PPP2CA: variants seen among roughly 807,000 people sequenced by gnomAD.
PPP2CA encodes serine/threonine-protein phosphatase 2A catalytic subunit alpha isoform.
PPP2CA carries 5 observed loss-of-function variants against 38.8 expected under a neutral mutation model. The ratio of observed to expected loss-of-function variants is 0.13; its 90% confidence interval spans 0.07 to 0.27. The LOEUF is 0.27. Ranked by LOEUF, PPP2CA falls within the 10% of genes least tolerant of loss-of-function variation. The probability of loss-of-function intolerance (pLI) is 1.00; values close to 1 mark genes in which losing one functional copy is unlikely to be tolerated. For synonymous variants in PPP2CA, 152 were observed against 134.0 expected (o/e 1.13, Z -0.93); for missense variants, 88 against 389.7 (o/e 0.23, Z 6.52).
chr5:134,206,037 A>G lies in PPP2CA; in HGVS notation c.197T>C (p.Met66Thr), dbSNP rs1002255595. The change falls in exon 2 of 7, where the codon ATG becomes ACG. Residue 66 changes from methionine (M) to threonine (T), a missense_variant. This residue lies in a region of PPP2CA where 6 missense variants were observed against 52.2 expected (regional missense o/e 0.12). Coordinates refer to ENST00000481195, the MANE Select transcript of PPP2CA (RefSeq NM_002715.4). ...GDVHGQFHDL[M>T]ELFRIGGKSP... ...TTTGCCACCAATTCTAAACAGTTCC[A>G]TGAGATCATGAAATTGCCCATGCAC... The G allele has an allele frequency of 5.0e-6, 8 of 1,614,100 alleles. No homozygotes were observed. Among genetic ancestry groups the G allele is most frequent in the Non-Finnish European group, 6.8e-6 (8 of 1,179,916 alleles).
At chr5:134,225,612 A>C in intron 1 of PPP2CA, 148 bp downstream of exon 1, 1 of 612,508 alleles carries the variant, frequency 1.6e-6, no homozygotes, top group Non-Finnish European at 2.6e-6. Flanking sequence ...GTCGTTAGGA[A>C]GCCGCCGCCG....
At chr5:134,208,897 G>A (rs1580643057) in intron 1 of PPP2CA, among the ~76,000 whole-genome samples, 2 of 152,248 alleles carry the variant, frequency 1.3e-5, no homozygotes, top group South Asian at 4.2e-4. Flanking sequence ...TGAGACAGCT[G>A]GTTATTTTCT....
chr5:134,220,478 A>G (rs1295156607), intron 1 of PPP2CA, among the ~76,000 whole-genome samples: 1 of 146,540 alleles, frequency 6.8e-6, no homozygotes, highest in African/African-American at 2.5e-5. Flanking sequence ...AAAAAAAAAA[A>G]GCCCACAAAA....
intron 1 of PPP2CA, among the ~76,000 whole-genome samples, chr5:134,218,387 T>C (rs1178122585): frequency 2.6e-5 from 4 of 152,200 alleles, no homozygotes; most frequent in Non-Finnish European, 2.9e-5. Flanking sequence ...CCTTTGCCTC[T>C]GACCAAAAGG....
intron 2 of PPP2CA, among the ~76,000 whole-genome samples, chr5:134,204,196 A>T (rs988984049): frequency 5.3e-5 from 8 of 152,236 alleles, no homozygotes; most frequent in Non-Finnish European, 1.2e-4. Context: ...AAAGTCTGTG[A>T]CAGCCATTTA....
At chr5:134,214,338 G>A (rs1762274052) in intron 1 of PPP2CA, among the ~76,000 whole-genome samples, 1 of 152,058 alleles carries the variant, frequency 6.6e-6, no homozygotes. Context: ...CTACATTATA[G>A]TGATTTTTTA....
chr5:134,225,435 GCTCACCCTCAAAACC>G, intron 1 of PPP2CA: 1 of 257,482 alleles, frequency 3.9e-6, no homozygotes, highest in African/African-American at 2.3e-5. Context: ...ATCCAAGCCA[GCTCACCCTCAAAACC>G]GTCCCTGACG....
intron 1 of PPP2CA, among the ~76,000 whole-genome samples, chr5:134,212,729 A>T (rs1387022153): frequency 6.6e-6 from 1 of 152,248 alleles, no homozygotes; most frequent in African/African-American, 2.4e-5. Flanking sequence ...AAAGTTCTTT[A>T]AGGAAATTAG....
rs745960087 is a variant in PPP2CA at position 134,201,998 on chromosome 5, G to A, written c.336C>T (p.Thr112=). The change falls in exon 3 of 7, where the codon ACC becomes ACT. Residue 112 remains threonine (T), a synonymous_variant. Coordinates refer to ENST00000481195, the MANE Select transcript of PPP2CA (RefSeq NM_002715.4). ...TGCTCTCATGATTCCCTCGAAGAATGGTGATGCGTTCACGGTAACGAACCT... is the reference window on the plus strand; with the variant it reads ...TGCTCTCATGATTCCCTCGAAGAATAGTGATGCGTTCACGGTAACGAACCT... The part of the protein sequence containing the change: ...ALKVRYRERI[T]ILRGNHESRQ... 8.1e-6 allele frequency: 13 copies of A among 1,610,636 alleles called. No individual in the cohort carries two copies. Among genetic ancestry groups the A allele is most frequent in the Non-Finnish European group, 1.7e-6 (2 of 1,178,922 alleles).
chr5:134,216,710 C>T (rs984994458), intron 1 of PPP2CA, among the ~76,000 whole-genome samples: 1 of 151,710 alleles, frequency 6.6e-6, no homozygotes, highest in East Asian at 1.9e-4. Context: ...CACTACATTG[C>T]CCAAGCTGGT....
At chr5:134,212,182 TTTA>T (rs1762218785) in intron 1 of PPP2CA, among the ~76,000 whole-genome samples, 1 of 152,248 alleles carries the variant, frequency 6.6e-6, no homozygotes, top group South Asian at 2.1e-4. Flanking sequence ...TGTGCTTCTC[TTTA>T]TTGCACTTTG....
At chr5:134,211,678 T>C (rs1041957725) in intron 1 of PPP2CA, among the ~76,000 whole-genome samples, 4 of 150,714 alleles carry the variant, frequency 2.7e-5, no homozygotes, top group Non-Finnish European at 4.4e-5. Flanking sequence ...GATTTCACCA[T>C]CTTGCCCAGG....
chr5:134,210,505 A>C (rs1762180695), intron 1 of PPP2CA, among the ~76,000 whole-genome samples: 1 of 152,212 alleles, frequency 6.6e-6, no homozygotes, highest in African/African-American at 2.4e-5. Flanking sequence ...TTCTTAGCTA[A>C]TATGGTCAAC....
At chr5:134,201,117 T>C in intron 3 of PPP2CA, 43 bp from the exon 4 acceptor site, 3 of 1,480,532 alleles carry the variant, frequency 2.0e-6, no homozygotes, top group Non-Finnish European at 2.8e-6. Context: ...CTAAAAAATT[T>C]GTAAACATTC....
chr5:134,200,214 T>C, intron 5 of PPP2CA, 121 bp downstream of exon 5: 1 of 1,143,516 alleles, frequency 8.7e-7, no homozygotes, highest in Non-Finnish European at 1.2e-6. Context: ...GCTATAATGA[T>C]AAACTCATCA....
At chr5:134,221,663 G>C (rs774827358) in intron 1 of PPP2CA, among the ~76,000 whole-genome samples, 1 of 152,098 alleles carries the variant, frequency 6.6e-6, no homozygotes, top group Non-Finnish European at 1.5e-5. Context: ...AAGCTTTCAA[G>C]CAATGAAAAT....
chr5:134,218,907 G>A (rs1332941792), intron 1 of PPP2CA, among the ~76,000 whole-genome samples: 1 of 152,074 alleles, frequency 6.6e-6, no homozygotes, highest in Non-Finnish European at 1.5e-5. Flanking sequence ...CTGACCTCGT[G>A]ATCCACCCAC....
intron 2 of PPP2CA, among the ~76,000 whole-genome samples, chr5:134,205,408 G>A (rs1762060760): frequency 6.8e-6 from 1 of 146,224 alleles, no homozygotes; most frequent in Non-Finnish European, 1.5e-5. Context: ...TTTTGAGACA[G>A]TCTCGCTCTG....
chr5:134,199,372 C>T, intron 5 of PPP2CA, 168 bp from the exon 6 acceptor site: 1 of 531,004 alleles, frequency 1.9e-6, no homozygotes, highest in Non-Finnish European at 3.4e-6. Flanking sequence ...GTACTTTATA[C>T]AACCTGTAAG....
Sources: gnomAD v4.1 joint callset for allele counts (sites outside exome capture counted in the v4.1 genomes callset) on GRCh38, gnomAD v4.1.1 for gene constraint, gnomAD v4.1.1 regional missense constraint, MANE v1.5 for transcripts, NCBI Gene and HGNC (gene_info 2026-07-23, HGNC 2026-07-21) for gene names.